Variants in GABBR2 observed in about 807,000 individuals in gnomAD.
The protein encoded by GABBR2 is G-protein coupled receptor 51.
Under a neutral mutation model 105.6 loss-of-function variants are expected in GABBR2, and 23 were observed. That is an observed-to-expected ratio of 0.22 (90% confidence interval 0.16 to 0.31). The LOEUF is 0.31. Ranked by LOEUF, GABBR2 falls within the 10% of genes least tolerant of loss-of-function variation. The probability of loss-of-function intolerance (pLI) is 1.00; values close to 1 mark genes in which losing one functional copy is unlikely to be tolerated. For missense variants in GABBR2, 734 were observed against 1,245.5 expected (o/e 0.59, Z 6.18); for synonymous variants, 478 against 499.7 (o/e 0.96, Z 0.58).
rs757499675 is a variant in GABBR2 at position 98,668,797 on chromosome 9, C to T, written c.321+39620G>A. ...TTGTCTTTTTCTGTCTTCTGTATTACACTTAGCAGTATGTCCTCAAGCCTC... is the reference window on the plus strand; with the variant it reads ...TTGTCTTTTTCTGTCTTCTGTATTATACTTAGCAGTATGTCCTCAAGCCTC... On this transcript the variant is annotated intron_variant, in intron 1 of 18. Transcript: ENST00000259455. 2.7e-4 allele frequency among the ~76,000 whole-genome samples: 41 copies of T among 152,170 alleles called. 1 individual carries two copies. The highest frequency in any genetic ancestry group is 4.6e-4 in the Admixed American group (7 of 15,280).
chr9:98,317,943 G>A (rs1377112401), intron 13 of GABBR2, among the ~76,000 whole-genome samples: 1 of 152,154 alleles, frequency 6.6e-6, no homozygotes, highest in Non-Finnish European at 1.5e-5. Context: ...AGGTAGCCTG[G>A]GATGGCTACT....
intron 7 of GABBR2, among the ~76,000 whole-genome samples, chr9:98,437,474 C>T (rs1825945870): frequency 6.6e-6 from 1 of 151,628 alleles, no homozygotes; most frequent in Non-Finnish European, 1.5e-5. Flanking sequence ...TCTATCCATC[C>T]ATTCATCTAT....
At chr9:98,554,683 T>C (rs1828555926) in intron 2 of GABBR2, among the ~76,000 whole-genome samples, 1 of 152,238 alleles carries the variant, frequency 6.6e-6, no homozygotes. Context: ...AGTCATTTAA[T>C]GCTTTGCTCT....
chr9:98,534,720 C>G (rs920096228), intron 3 of GABBR2, among the ~76,000 whole-genome samples: 2 of 152,216 alleles, frequency 1.3e-5, no homozygotes, highest in African/African-American at 2.4e-5. Flanking sequence ...AGAACGCTGA[C>G]AATACCAAAT....
At chr9:98,493,832 G>T (rs1827224698) in intron 4 of GABBR2, among the ~76,000 whole-genome samples, 1 of 152,142 alleles carries the variant, frequency 6.6e-6, no homozygotes, top group African/African-American at 2.4e-5. Flanking sequence ...AGCAAATTAC[G>T]TTGGGTTTTA....
intron 1 of GABBR2, among the ~76,000 whole-genome samples, chr9:98,680,731 T>C (rs1369533581): frequency 6.6e-6 from 1 of 152,178 alleles, no homozygotes; most frequent in Non-Finnish European, 1.5e-5. Context: ...ACTTCCCTTA[T>C]GAGATATTAA....
intron 1 of GABBR2, among the ~76,000 whole-genome samples, chr9:98,700,834 C>T (rs1588288759): frequency 6.6e-6 from 1 of 152,200 alleles, no homozygotes; most frequent in Admixed American, 6.5e-5. Flanking sequence ...TCCCTATCCC[C>T]ATCTTCCTGA....
At chr9:98,615,046 G>A (rs1266867420) in intron 1 of GABBR2, among the ~76,000 whole-genome samples, 1 of 152,172 alleles carries the variant, frequency 6.6e-6, no homozygotes, top group Non-Finnish European at 1.5e-5. Flanking sequence ...ACACCACTCT[G>A]ATGGATCCTT....
At chr9:98,384,760 T>C (rs1564042862) in intron 11 of GABBR2, among the ~76,000 whole-genome samples, 1 of 152,198 alleles carries the variant, frequency 6.6e-6, no homozygotes, top group East Asian at 1.9e-4. Flanking sequence ...TACAGCCCCC[T>C]TGGGGGCAAC....
chr9:98,328,867 T>G (rs954446307), intron 13 of GABBR2, among the ~76,000 whole-genome samples: 4 of 152,070 alleles, frequency 2.6e-5, no homozygotes, highest in African/African-American at 9.7e-5. Flanking sequence ...GTATGGTGGG[T>G]AGCAAGGTGG....
At chr9:98,699,852 A>G (rs1461480395) in intron 1 of GABBR2, among the ~76,000 whole-genome samples, 1 of 152,226 alleles carries the variant, frequency 6.6e-6, no homozygotes, top group Non-Finnish European at 1.5e-5. Flanking sequence ...CTCACTGTGC[A>G]CTGTTACATA....
In GABBR2 at chr9:98,379,870, T is replaced by C. The variant is rs552508051; in HGVS notation, c.1662+5770A>G. On this transcript the variant is annotated intron_variant, in intron 11 of 18. Transcript: ENST00000259455. ...GTACACATTAAAAGGGCAAAATTTA[T>C]GGTATGTGGATTATATCTTAATTTA... 2.7e-3 allele frequency among the ~76,000 whole-genome samples: 411 copies of C among 152,230 alleles called. 1 individual carries two copies. The highest frequency in any genetic ancestry group is 4.7e-3 in the Non-Finnish European group (318 of 68,032).
chr9:98,532,933 A>G (rs1588215463), intron 3 of GABBR2, among the ~76,000 whole-genome samples: 2 of 152,184 alleles, frequency 1.3e-5, no homozygotes, highest in South Asian at 4.1e-4. Context: ...CACCTACATC[A>G]TCTATAAGCA....
intron 1 of GABBR2, among the ~76,000 whole-genome samples, chr9:98,590,443 A>G (rs1239980273): frequency 6.6e-6 from 1 of 152,236 alleles, no homozygotes; most frequent in African/African-American, 2.4e-5. Flanking sequence ...AAAGCCAATT[A>G]CCCAATTTAC....
intron 5 of GABBR2, 99 bp from the exon 6 acceptor site, chr9:98,473,445 A>G: frequency 1.4e-6 from 1 of 712,354 alleles, no homozygotes; most frequent in African/African-American, 1.8e-5. Context: ...CTCTTCCCAG[A>G]GGATTTAGGA....
chr9:98,420,306 A>G (rs1832759759), intron 7 of GABBR2, among the ~76,000 whole-genome samples: 1 of 152,012 alleles, frequency 6.6e-6, no homozygotes, highest in Admixed American at 6.6e-5. Context: ...GCCCACCTGG[A>G]GCCTCGCCTA....
intron 13 of GABBR2, among the ~76,000 whole-genome samples, chr9:98,324,271 A>AT (rs1830879283): frequency 6.6e-6 from 1 of 152,032 alleles, no homozygotes; most frequent in South Asian, 2.1e-4. Context: ...TACATCTTAG[A>AT]TTTTACAGTG....
chr9:98,517,767 C>G (rs1675183585), intron 3 of GABBR2, among the ~76,000 whole-genome samples: 1 of 152,210 alleles, frequency 6.6e-6, no homozygotes, highest in African/African-American at 2.4e-5. Flanking sequence ...TGGCCTGGTC[C>G]TCTAACTTCC....
intron 18 of GABBR2, among the ~76,000 whole-genome samples, chr9:98,292,101 G>T (rs1158884343): frequency 1.3e-5 from 2 of 152,202 alleles, no homozygotes; most frequent in Non-Finnish European, 2.9e-5. Flanking sequence ...GCTCGGCTCA[G>T]CTGCATTCTT....
Sources: allele counts gnomAD v4.1 joint callset (sites outside exome capture counted in the v4.1 genomes callset), GRCh38; gene constraint gnomAD v4.1.1; transcripts MANE v1.5; gene names NCBI Gene and HGNC (gene_info 2026-07-23, HGNC 2026-07-21).